The following GALNT18 variants were observed in gnomAD, a reference collection of about 807,000 sequenced individuals.
The protein encoded by GALNT18 is GalNAc-transferase 18.
Under a neutral mutation model 69.5 loss-of-function variants are expected in GALNT18, and 44 were observed. The observed-to-expected ratio is 0.63, with a 90% confidence interval of 0.50 to 0.81. GALNT18 has a LOEUF of 0.81. GALNT18 is among the 40% of genes least tolerant of loss of function. The pLI, the probability that GALNT18 is intolerant of heterozygous loss-of-function variation, is 0.00. For missense variants in GALNT18, 715 were observed against 810.0 expected (o/e 0.88, Z 1.42); for synonymous variants, 364 against 318.2 (o/e 1.14, Z -1.53).
intron 1 of GALNT18, among the ~76,000 whole-genome samples, chr11:11,608,195 A>G (rs1012610191): frequency 1.3e-5 from 2 of 152,306 alleles, no homozygotes; most frequent in South Asian, 2.1e-4. Flanking sequence ...TAAATCTGAT[A>G]TACTAGGTGT....
Position 11,444,569 on chromosome 11 carries a change from T to C in GALNT18, c.428+4175A>G, listed in dbSNP as rs980037994. Among the ~76,000 whole-genome samples, 3 of 152,184 alleles carry C rather than the reference T, an allele frequency of 2.0e-5. No individual in the cohort carries two copies. The highest frequency in any genetic ancestry group is 4.8e-5 in the African/African-American group (2 of 41,446). On this transcript the variant is annotated intron_variant, in intron 2 of 10. Transcript: ENST00000227756. The surrounding 1 kb of genome is among the most constrained non-coding windows in gnomAD (Gnocchi z 4.4). ...GATGTTTTTCCTTCTAGTTGTGTCC[T>C]GTCTTGTCTATAAGGCACTGGCACA... is the stretch of plus-strand genomic sequence containing the variant.
rs762740331 is a variant in GALNT18 at position 11,332,563 on chromosome 11, G to A, written c.1416+131C>T. 199 of 999,004 alleles carry A rather than the reference G, an allele frequency of 2.0e-4. No individual in the cohort carries two copies. Among genetic ancestry groups the A allele is most frequent in the South Asian group, 8.4e-4 (53 of 62,994 alleles). The allele number at this position is 999,004 out of a possible 1,614,324, so 61.9% of individuals were successfully genotyped here. A position where few individuals can be genotyped will look rare whatever the true frequency, so the allele number is the denominator to read the frequency against. On this transcript the variant is annotated intron_variant, in intron 8 of 10. Transcript: ENST00000227756. The surrounding 1 kb of genome is among the most constrained non-coding windows in gnomAD (Gnocchi z 4.3). ...GGCTGTCTTGCAGGTGCAGAACCCA[G>A]CGCCCGGTCCCCAGGCCTACTGCAG...
intron 3 of GALNT18, among the ~76,000 whole-genome samples, chr11:11,416,186 TA>T (rs1389914655): frequency 1.2e-4 from 19 of 152,324 alleles, no homozygotes; most frequent in African/African-American, 4.3e-4. Flanking sequence ...CTTCAATGTC[TA>T]AGCTCCTTAG....
At position 11,378,417 on chromosome 11, in the gene GALNT18, G is replaced by A. The variant is rs909171813; in HGVS notation, c.779+664C>T. On this transcript the variant is annotated intron_variant, in intron 4 of 10. Transcript: ENST00000227756. ...GCCCAGGCAAAGTTACACACAGCAGGTGGCCCTGTGCCCTCCAGCCCTGCA... is the reference window on the plus strand; with the variant it reads ...GCCCAGGCAAAGTTACACACAGCAGATGGCCCTGTGCCCTCCAGCCCTGCA... Among the ~76,000 whole-genome samples the A allele has an allele frequency of 2.0e-5, 3 of 152,326 alleles. No individual in the cohort carries two copies. In the East Asian group the frequency reaches 5.8e-4, roughly 30 times the overall value.
chr11:11,457,416 G>C (rs959948795), intron 1 of GALNT18, among the ~76,000 whole-genome samples: 2 of 152,222 alleles, frequency 1.3e-5, no homozygotes, highest in Admixed American at 6.5e-5. Flanking sequence ...TGCAGGAGAG[G>C]CTGTAGCCTG....
chr11:11,545,790 A>G (rs1201952255), intron 1 of GALNT18, among the ~76,000 whole-genome samples: 1 of 152,216 alleles, frequency 6.6e-6, no homozygotes, highest in Non-Finnish European at 1.5e-5. Context: ...GGGGGATGGT[A>G]TTTGAAATTC....
rs1343786339 is a variant in GALNT18, at chr11:11,601,371, G to C, written c.235+19988C>G. Among the ~76,000 whole-genome samples, 1 of 152,064 alleles carries C rather than the reference G, an allele frequency of 6.6e-6. No individual in the cohort carries two copies. The highest frequency in any genetic ancestry group is 1.5e-5 in the Non-Finnish European group (1 of 67,992). ...TAGTCTCTAATACTACTTCTTGAAG[G>C]TGAAACCTTAGGCATGTGCACAGTG... is the stretch of plus-strand genomic sequence containing the variant. On this transcript the variant is annotated intron_variant, in intron 1 of 10. Coordinates refer to ENST00000227756, the MANE Select transcript of GALNT18 (RefSeq NM_198516.3). The surrounding 1 kb of genome is among the most constrained non-coding windows in gnomAD (Gnocchi z 4.0).
Position 11,332,713 on chromosome 11 carries a change from T to G in GALNT18, c.1397A>C (p.Asp466Ala). ...SVYPEMRMYS[D>A]IIAYGVLQNS... ...CCTTACCACTCCATAGGCAATGATG[T>G]CGGAGTACATCCTCATCTCTGGGTA... Residue 466 changes from aspartate (D) to alanine (A), a missense_variant, in exon 8 of 11, where the codon GAC becomes GCC. Transcript: ENST00000227756. The surrounding 1 kb of genome is among the most constrained non-coding windows in gnomAD (Gnocchi z 4.3). 2 of 1,614,158 alleles carry G rather than the reference T, an allele frequency of 1.2e-6. No homozygotes were observed. The highest frequency in any genetic ancestry group is 1.7e-6 in the Non-Finnish European group (2 of 1,180,020).
chr11:11,556,881 T>A (rs1397173084), intron 1 of GALNT18, among the ~76,000 whole-genome samples: 1 of 152,202 alleles, frequency 6.6e-6, no homozygotes, highest in East Asian at 1.9e-4. Context: ...GGTGTACAGA[T>A]CCTATTACTA....
chr11:11,613,037 C>T lies in GALNT18; in HGVS notation c.235+8322G>A, dbSNP rs1361876861. On this transcript the variant is annotated intron_variant, in intron 1 of 10. Coordinates refer to ENST00000227756, the MANE Select transcript of GALNT18 (RefSeq NM_198516.3). This position sits in a 1 kb window ranked among gnomAD's most constrained non-coding sequence, Gnocchi z 4.2. The stretch of plus-strand genomic sequence containing the variant: ...CCACTAGCATCATTAAGGACAGCTT[C>T]ATCTCCCAAAAATAAACCTTCCAAA... 6.6e-6 allele frequency among the ~76,000 whole-genome samples: 1 copy of T among 152,204 alleles called. No individual in the cohort carries two copies. The highest frequency in any genetic ancestry group is 1.5e-5 in the Non-Finnish European group (1 of 68,034).
intron 6 of GALNT18, among the ~76,000 whole-genome samples, chr11:11,357,392 C>A (rs1161315827): frequency 6.6e-6 from 1 of 152,164 alleles, no homozygotes; most frequent in Non-Finnish European, 1.5e-5. Context: ...TGGTCAAATA[C>A]AATCTCCAAG....
At chr11:11,572,047 C>T (rs1858804959) in intron 1 of GALNT18, among the ~76,000 whole-genome samples, 1 of 152,230 alleles carries the variant, frequency 6.6e-6, no homozygotes, top group African/African-American at 2.4e-5. Flanking sequence ...GAGCATGATT[C>T]AGCAGATCTG....
At chr11:11,464,660 G>T (rs1856117848) in intron 1 of GALNT18, among the ~76,000 whole-genome samples, 1 of 152,170 alleles carries the variant, frequency 6.6e-6, no homozygotes, top group South Asian at 2.1e-4. Context: ...TCATTTATTT[G>T]ATTAATATGC....
At chr11:11,567,439 T>C (rs1858680362) in intron 1 of GALNT18, among the ~76,000 whole-genome samples, 1 of 152,230 alleles carries the variant, frequency 6.6e-6, no homozygotes, top group African/African-American at 2.4e-5. Context: ...TTTTGATTTT[T>C]CATCTGTCAA....
chr11:11,612,829 G>A (rs1859944263), intron 1 of GALNT18, among the ~76,000 whole-genome samples: 1 of 152,216 alleles, frequency 6.6e-6, no homozygotes, highest in Non-Finnish European at 1.5e-5. Flanking sequence ...CTGTCCCAAG[G>A]TGAAGAGTGC....
At chr11:11,409,539 C>G (rs1854679203) in intron 3 of GALNT18, among the ~76,000 whole-genome samples, 1 of 152,094 alleles carries the variant, frequency 6.6e-6, no homozygotes, top group African/African-American at 2.4e-5. Flanking sequence ...CCCGGTTCCC[C>G]AAAGTGAAGC....
rs1218603918 is a variant in GALNT18 at position 11,377,126 on chromosome 11, C to T, written c.977+56G>A. The T allele has an allele frequency of 1.7e-5, 26 of 1,518,840 alleles. No individual in the cohort carries two copies. The highest frequency in any genetic ancestry group is 1.0e-4 in the South Asian group (9 of 87,394). The allele number at this position is 1,518,840 out of a possible 1,614,324, so 94.1% of individuals were successfully genotyped here. The stretch of plus-strand genomic sequence containing the variant: ...GGAGAATAAGCATTGGACCAGTAGG[C>T]GGTCCCTAGCCTGGAGGTCAAAGCG... On this transcript the variant is annotated intron_variant, in intron 5 of 10. Coordinates refer to ENST00000227756, the MANE Select transcript of GALNT18 (RefSeq NM_198516.3). This position sits in a 1 kb window ranked among gnomAD's most constrained non-coding sequence, Gnocchi z 4.6.
At chr11:11,588,492 G>A (rs1470717021) in intron 1 of GALNT18, among the ~76,000 whole-genome samples, 1 of 152,164 alleles carries the variant, frequency 6.6e-6, no homozygotes, top group Non-Finnish European at 1.5e-5. Context: ...CTGTCTACTA[G>A]TCATGAATTC....
intron 1 of GALNT18, among the ~76,000 whole-genome samples, chr11:11,457,511 TTGC>T (rs764265810): frequency 2.0e-5 from 3 of 152,122 alleles, no homozygotes; most frequent in Non-Finnish European, 4.4e-5. Flanking sequence ...AATGGCATGG[TTGC>T]TGTTGGAGGT....
Sources: allele counts gnomAD v4.1 joint callset (sites outside exome capture counted in the v4.1 genomes callset), GRCh38; gene constraint gnomAD v4.1.1; non-coding constraint Gnocchi (gnomAD v3.1); transcripts MANE v1.5; gene names NCBI Gene and HGNC (gene_info 2026-07-23, HGNC 2026-07-21).